C15orf40: variants seen among roughly 807,000 people sequenced by gnomAD.
C15orf40 encodes UPF0235 protein C15orf40.
A neutral mutation model predicts 13.9 loss-of-function variants in C15orf40; 9 were observed. The ratio of observed to expected loss-of-function variants is 0.65; its 90% confidence interval spans 0.39 to 1.13. C15orf40 has a LOEUF of 1.13. C15orf40 is among the 50% of genes most tolerant of loss of function. The probability of loss-of-function intolerance (pLI) is 0.01; values close to 1 mark genes in which losing one functional copy is unlikely to be tolerated. For synonymous variants in C15orf40, 95 were observed against 69.2 expected (o/e 1.37, Z -1.85); for missense variants, 225 against 188.5 (o/e 1.19, Z -1.13).
At position 82,997,336 on chromosome 15, in the gene C15orf40, A is replaced by T. The variant is rs1222493220; in HGVS notation, c.*8261T>A. On this transcript the variant is annotated 3_prime_UTR_variant, in exon 4 of 4. Coordinates refer to ENST00000304177, the MANE Select transcript of C15orf40 (RefSeq NM_144597.3). ...ACAAAGGTCTCTGGTTTTCCTAGGC[A>T]GAGGACCCTGCGGCCTTCCGCAGTG... is the stretch of plus-strand genomic sequence containing the variant. 6.8e-6 allele frequency: 1 copy of T among 147,348 alleles called. No homozygotes were observed. Among genetic ancestry groups the T allele is most frequent in the South Asian group, 2.2e-4 (1 of 4,590 alleles). The allele number at this position is 147,348 out of a possible 1,614,324, so 9.1% of individuals were successfully genotyped here.
downstream of C15orf40, among the ~76,000 whole-genome samples, chr15:82,992,991 A>G (rs1162736249): frequency 6.6e-6 from 1 of 152,228 alleles, no homozygotes; most frequent in African/African-American, 2.4e-5. Flanking sequence ...ATAATTTAAG[A>G]GTGAGAGCAA....
At chr15:82,989,240 T>C, downstream of C15orf40, 1 of 1,582,444 alleles carries the variant, frequency 6.3e-7, no homozygotes, top group South Asian at 1.2e-5. Context: ...GAGGATAGCT[T>C]TAATCTGCTA....
Position 83,004,343 on chromosome 15 carries a change from C to T in C15orf40, c.*1254G>A, listed in dbSNP as rs1216244472. ...TTTTTAATGATTTGGTCCATCAATA[C>T]ATCTTTCTCATGTACTTGCTGGACA... On this transcript the variant is annotated 3_prime_UTR_variant, in exon 4 of 4. Transcript: ENST00000304177. The T allele has an allele frequency of 1.0e-6, 1 of 985,398 alleles. No homozygotes were observed. Among genetic ancestry groups the T allele is most frequent in the Non-Finnish European group, 1.2e-6 (1 of 829,932 alleles). The allele number at this position is 985,398 out of a possible 1,614,324, so 61.0% of individuals were successfully genotyped here. A position where few individuals can be genotyped will look rare whatever the true frequency, so the allele number is the denominator to read the frequency against.
rs372883978 is a variant in C15orf40, at chr15:83,011,515, C to T, written c.93G>A (p.Lys31=). Residue 31 remains lysine, a synonymous_variant, in exon 1 of 4, where the codon AAG becomes AAA. Coordinates refer to ENST00000304177, the MANE Select transcript of C15orf40 (RefSeq NM_144597.3). ...ARLLCAEMPK[K]AGATTKGKSQ... ...TACTGGCCTTGGTCGTCGCACCAGC[C>T]TTCTTAGGCATCTCGGCGCAAAGAA... is the stretch of plus-strand genomic sequence containing the variant. 1 of 1,606,682 alleles carries T rather than the reference C, an allele frequency of 6.2e-7. No homozygotes were observed. Among genetic ancestry groups the T allele is most frequent in the African/African-American group, 1.3e-5 (1 of 74,578 alleles).
downstream of C15orf40, among the ~76,000 whole-genome samples, chr15:82,993,647 T>C (rs537023430): frequency 6.6e-6 from 1 of 152,170 alleles, no homozygotes; most frequent in Non-Finnish European, 1.5e-5. Flanking sequence ...ACCCCGTCTC[T>C]ATGAAAAATA....
At chr15:82,992,906 C>G (rs932333436), downstream of C15orf40, among the ~76,000 whole-genome samples, 5 of 152,122 alleles carry the variant, frequency 3.3e-5, no homozygotes, top group Non-Finnish European at 7.4e-5. Context: ...CCCTGATCTG[C>G]TTAAAACCAG....
chr15:82,991,545 AT>A (rs1018253036), downstream of C15orf40, among the ~76,000 whole-genome samples: 41 of 150,302 alleles, frequency 2.7e-4, no homozygotes, highest in African/African-American at 9.6e-4. Context: ...ACTTCATCTC[AT>A]AAAAAAAACG....
rs1056198594 is a variant in C15orf40, at chr15:82,996,636, C to T, written c.*8961G>A. On this transcript the variant is annotated 3_prime_UTR_variant, in exon 4 of 4. Transcript: ENST00000304177. ...CCAGCCTGGGTGACAGAGTGAGACT[C>T]CGTCTCAAAATAAAATTAAAATAAA... The T allele has an allele frequency of 2.7e-5, 4 of 150,456 alleles. No individual in the cohort carries two copies. Among genetic ancestry groups the T allele is most frequent in the African/African-American group, 4.9e-5 (2 of 40,840 alleles). The allele number at this position is 150,456 out of a possible 1,614,324, so 9.3% of individuals were successfully genotyped here.
At chr15:82,991,889 C>T, downstream of C15orf40, 2 of 1,288,740 alleles carry the variant, frequency 1.6e-6, no homozygotes, top group Non-Finnish European at 2.0e-6. Context: ...TGACTACACC[C>T]CAGAATCTTC....
chr15:82,990,222 C>T (rs1310399157), downstream of C15orf40: 17 of 315,668 alleles, frequency 5.4e-5, no homozygotes, highest in Admixed American at 2.9e-4. Flanking sequence ...ATCTTACTTG[C>T]GAAATGCGAT....
intron 1 of C15orf40, 58 bp downstream of exon 1, chr15:83,011,439 C>G (rs756509915): frequency 6.6e-7 from 1 of 1,526,248 alleles, no homozygotes; most frequent in Non-Finnish European, 8.8e-7. Context: ...TTCTCCCGCG[C>G]TCTTCAACAA....
rs1329291302 is a variant in C15orf40 at position 83,001,875 on chromosome 15, A to C, written c.*3722T>G. ...AGCCCCTGGGCCAGTTCCTACCTCC[A>C]ACAGTAGTTTGTTTTGTTTTGTTTG... On this transcript the variant is annotated 3_prime_UTR_variant, in exon 4 of 4. Transcript: ENST00000304177. 6.6e-6 allele frequency: 1 copy of C among 152,086 alleles called. No homozygotes were observed. Among genetic ancestry groups the C allele is most frequent in the African/African-American group, 2.4e-5 (1 of 41,186 alleles). 9.4% of individuals were successfully genotyped at this position (152,086 alleles called of 1,614,324 possible).
At chr15:83,006,165 A>T (rs1374896079) in intron 3 of C15orf40, among the ~76,000 whole-genome samples, 1 of 151,744 alleles carries the variant, frequency 6.6e-6, no homozygotes, top group African/African-American at 2.4e-5. Context: ...CAGGAGGCAG[A>T]GGCTGCAGTG....
At chr15:83,006,185 C>T (rs575166042) in intron 3 of C15orf40, among the ~76,000 whole-genome samples, 17 of 150,504 alleles carry the variant, frequency 1.1e-4, no homozygotes, top group East Asian at 9.7e-4. Context: ...GAGCTGAGAT[C>T]GCGCCACTGC....
Position 83,004,953 on chromosome 15 carries a change from TTGAG to T in C15orf40, c.*640_*643del, listed in dbSNP as rs1394803827. 4 of 1,290,664 alleles carry T rather than the reference TTGAG, an allele frequency of 3.1e-6. No individual in the cohort carries two copies. The highest frequency in any genetic ancestry group is 4.1e-6 in the Non-Finnish European group (4 of 976,350). The allele number at this position is 1,290,664 out of a possible 1,614,324, so 80.0% of individuals were successfully genotyped here. On this transcript the variant is annotated 3_prime_UTR_variant, in exon 4 of 4. Coordinates refer to ENST00000304177, the MANE Select transcript of C15orf40 (RefSeq NM_144597.3). Reference sequence around the variant, plus strand: ...AGTTGCCAGCTTGCATGGTACAATCTTGAGTAAGTCTCTCAACTTCTGGATATAG... The same window carrying T: ...AGTTGCCAGCTTGCATGGTACAATCTTAAGTCTCTCAACTTCTGGATATAG...
downstream of C15orf40, among the ~76,000 whole-genome samples, chr15:82,994,329 TATA>T (rs1367439174): frequency 8.0e-5 from 12 of 149,576 alleles, no homozygotes; most frequent in Non-Finnish European, 1.5e-4. Flanking sequence ...GTTTCCTAAA[TATA>T]ATGTTTTTTA....
downstream of C15orf40, chr15:82,989,871 A>G: frequency 1.9e-6 from 3 of 1,608,748 alleles, no homozygotes; most frequent in Non-Finnish European, 1.7e-6. Context: ...TTTTTGTTTT[A>G]TTGTTGTAGG....
intron 3 of C15orf40, chr15:83,006,587 C>T (rs2031691200): frequency 2.3e-6 from 1 of 428,146 alleles, no homozygotes; most frequent in Admixed American, 6.4e-5. Flanking sequence ...TGGCAAAACC[C>T]TGTCTCTACT....
rs2031143836 is a variant in C15orf40, at chr15:82,997,331, T to TA, written c.*8265dup. 6.8e-6 allele frequency: 1 copy of TA among 147,994 alleles called. No homozygotes were observed. The highest frequency in any genetic ancestry group is 2.2e-4 in the South Asian group (1 of 4,612). The allele number at this position is 147,994 out of a possible 1,614,324, so 9.2% of individuals were successfully genotyped here. ...AGTGAACAAAGGTCTCTGGTTTTCC[T>TA]AGGCAGAGGACCCTGCGGCCTTCCG... On this transcript the variant is annotated 3_prime_UTR_variant, in exon 4 of 4. Transcript: ENST00000304177.
Sources: gnomAD v4.1 joint callset for allele counts (sites outside exome capture counted in the v4.1 genomes callset) on GRCh38, gnomAD v4.1.1 for gene constraint, MANE v1.5 for transcripts, NCBI Gene and HGNC (gene_info 2026-07-23, HGNC 2026-07-21) for gene names.